SORCS1: variants seen among roughly 807,000 people sequenced by gnomAD.
SORCS1 encodes the protein VPS10 domain-containing receptor SorCS1.
In SORCS1, 60 loss-of-function variants were observed where a neutral mutation model predicts 146.1. That is an observed-to-expected ratio of 0.41 (90% CI 0.33 to 0.51). The LOEUF (loss-of-function observed/expected upper bound fraction) is 0.51. Ranked by LOEUF, SORCS1 falls within the 20% of genes least tolerant of loss-of-function variation. SORCS1 has a pLI of 0.21. For synonymous variants in SORCS1, 637 were observed against 584.0 expected, an observed-to-expected ratio of 1.09 and a Z score of -1.31; for missense variants, 1,352 against 1,487.6, an observed-to-expected ratio of 0.91 and a Z score of 1.50.
chr10:106,723,914 C>A (rs1325663614), intron 6 of SORCS1, among the ~76,000 whole-genome samples: 1 of 151,856 alleles, frequency 6.6e-6, no homozygotes, highest in Non-Finnish European at 1.5e-5. Flanking sequence ...CCAAAAAAAA[C>A]TAATTCAATT....
intron 1 of SORCS1, among the ~76,000 whole-genome samples, chr10:106,987,710 C>A (rs920002761): frequency 6.6e-6 from 1 of 152,126 alleles, no homozygotes; most frequent in African/African-American, 2.4e-5. Flanking sequence ...TTTTTTTCTT[C>A]TTCCTCAGAA....
intron 24 of SORCS1, among the ~76,000 whole-genome samples, chr10:106,588,890 A>AG (rs1845419641): frequency 7.2e-6 from 1 of 139,640 alleles, no homozygotes; most frequent in Non-Finnish European, 1.5e-5. Context: ...AAAAAAAAAA[A>AG]GAAGATTCCT....
intron 2 of SORCS1, among the ~76,000 whole-genome samples, chr10:106,885,290 G>A (rs1056158688): frequency 6.7e-6 from 1 of 148,738 alleles, no homozygotes; most frequent in Admixed American, 6.7e-5. Context: ...AAAATTGGGG[G>A]GGGGGAACTT....
At chr10:106,806,959 A>C (rs544461853) in intron 3 of SORCS1, among the ~76,000 whole-genome samples, 1 of 152,166 alleles carries the variant, frequency 6.6e-6, no homozygotes, top group Non-Finnish European at 1.5e-5. Context: ...TTTAATTCCC[A>C]TAGTCCTGAA....
chr10:107,054,294 G>A (rs891385748), intron 1 of SORCS1, among the ~76,000 whole-genome samples: 23 of 152,238 alleles, frequency 1.5e-4, no homozygotes, highest in African/African-American at 5.5e-4. Flanking sequence ...GGTTGGTGAG[G>A]CAGACTCTGG....
chr10:106,679,558 T>C, intron 11 of SORCS1, 74 bp downstream of exon 11: 7 of 1,302,566 alleles, frequency 5.4e-6, no homozygotes, highest in Non-Finnish European at 7.5e-6. Context: ...TAAAATAAAC[T>C]TCCAAGTACA....
intron 3 of SORCS1, among the ~76,000 whole-genome samples, chr10:106,787,688 G>A (rs1000765606): frequency 4.6e-5 from 7 of 152,114 alleles, no homozygotes; most frequent in South Asian, 4.1e-4. Flanking sequence ...TCTTTAAACC[G>A]TTTCAAACAA....
At chr10:106,802,302 T>C (rs1041560601) in intron 3 of SORCS1, among the ~76,000 whole-genome samples, 2 of 152,138 alleles carry the variant, frequency 1.3e-5, no homozygotes, top group African/African-American at 2.4e-5. Context: ...GAGAAACATA[T>C]GTACAATGGA....
chr10:106,592,852 A>G (rs530262594), intron 24 of SORCS1, among the ~76,000 whole-genome samples: 1 of 151,834 alleles, frequency 6.6e-6, no homozygotes, highest in Admixed American at 6.6e-5. Context: ...TTTCAACCTA[A>G]TAAAAGCAAT....
chr10:106,660,749 CAA>C (rs200384139), intron 17 of SORCS1, among the ~76,000 whole-genome samples: 1,402 of 80,706 alleles, frequency 0.017, 26 homozygotes, highest in African/African-American at 0.055. Context: ...GACTCCGTCT[CAA>C]AAAAAAAAAA....
the SORCS1 span, among the ~76,000 whole-genome samples, chr10:107,179,553 C>T: frequency 6.6e-6 from 1 of 152,196 alleles, no homozygotes; most frequent in Non-Finnish European, 1.5e-5. Flanking sequence ...GTGTATTCAG[C>T]ACTGTAATCC....
At chr10:106,803,748 T>C (rs1186239962) in intron 3 of SORCS1, among the ~76,000 whole-genome samples, 1 of 152,350 alleles carries the variant, frequency 6.6e-6, no homozygotes, top group South Asian at 2.1e-4. Flanking sequence ...GAATGTAGTG[T>C]CTGTCAGAAT....
In SORCS1 at chr10:106,924,391, A is replaced by C. The variant is rs2138459250; in HGVS notation, c.626+32122T>G. On this transcript the variant is annotated intron_variant, in intron 2 of 25. Transcript: ENST00000263054. ...GTATTAGATAAATGATATGGTAAAA[A>C]TAAAGCAAAGCAAAATTAAAACATG... Among the ~76,000 whole-genome samples the C allele has an allele frequency of 2.0e-5, 3 of 152,338 alleles. No individual in the cohort carries two copies. The Middle Eastern group carries it at 0.01, about 518-fold the overall frequency.
chr10:107,131,247 C>A (rs1000287794), intron 1 of SORCS1, among the ~76,000 whole-genome samples: 11 of 152,202 alleles, frequency 7.2e-5, no homozygotes, highest in Non-Finnish European at 1.3e-4. Flanking sequence ...CTTCCCAGGT[C>A]TCTGACTTAG....
Position 107,164,216 on chromosome 10 carries a change from C to T in SORCS1, c.311G>A (p.Arg104His), listed in dbSNP as rs532395005. The T allele has an allele frequency of 1.1e-5, 17 of 1,608,482 alleles. No individual in the cohort carries two copies. The East Asian group carries it at 3.6e-4, about 34-fold the overall frequency. The part of the protein sequence containing the change: ...GTGASMAVAA[R>H]SGRRRRSGAD... ...TCCGCTCCGTCTCCTCCGGCCGGAG[C>T]GTGCAGCAACCGCCATGGATGCCCC... The change falls in exon 1 of 26, where the codon CGC becomes CAC. Residue 104 changes from arginine to histidine, a missense_variant. Physicochemically the swap from Arg to His is conservative, Grantham distance 29 (BLOSUM62 0). Transcript: ENST00000263054. This position sits in a 1 kb window ranked among gnomAD's most constrained non-coding sequence, Gnocchi z 6.8.
Position 106,862,992 on chromosome 10 carries a change from T to A in SORCS1, c.627-33319A>T, listed in dbSNP as rs192904308. Among the ~76,000 whole-genome samples, 180 of 152,250 alleles carry A rather than the reference T, an allele frequency of 1.2e-3. No homozygotes were observed. The Middle Eastern group carries it at 0.02, about 17-fold the overall frequency. Reference sequence around the variant, plus strand: ...CTTCAACTCGTCGATTAAAAAAATTTTGTAAAGTCTATCCATTTTAGAATT... The same window carrying A: ...CTTCAACTCGTCGATTAAAAAAATTATGTAAAGTCTATCCATTTTAGAATT... On this transcript the variant is annotated intron_variant, in intron 2 of 25. Transcript: ENST00000263054.
chr10:106,636,820 C>T (rs993518095), intron 18 of SORCS1, among the ~76,000 whole-genome samples: 1 of 152,222 alleles, frequency 6.6e-6, no homozygotes, highest in South Asian at 2.1e-4. Context: ...TTGAATCAGG[C>T]TGTTCTTAAC....
intron 1 of SORCS1, among the ~76,000 whole-genome samples, chr10:107,056,873 A>T (rs566845889): frequency 6.6e-6 from 1 of 152,346 alleles, no homozygotes; most frequent in South Asian, 2.1e-4. Context: ...TAGGCCAGGT[A>T]ATGGATATAT....
chr10:107,027,503 G>A (rs1276207852), intron 1 of SORCS1, among the ~76,000 whole-genome samples: 1 of 152,130 alleles, frequency 6.6e-6, no homozygotes, highest in Non-Finnish European at 1.5e-5. Flanking sequence ...CACCAGCTAA[G>A]CAATATTCGC....
Sources: gnomAD v4.1 joint callset for allele counts (sites outside exome capture counted in the v4.1 genomes callset) on GRCh38, gnomAD v4.1.1 for gene constraint, Gnocchi (gnomAD v3.1) non-coding constraint, MANE v1.5 for transcripts, NCBI Gene and HGNC (gene_info 2026-07-23, HGNC 2026-07-21) for gene names.